PARD3B: variants seen among roughly 807,000 people sequenced by gnomAD.
PARD3B encodes partitioning defective 3 homolog B.
PARD3B carries 103 observed loss-of-function variants against 130.2 expected under a neutral mutation model. The observed-to-expected ratio is 0.79, with a 90% CI of 0.67 to 0.93. PARD3B has a LOEUF of 0.93. Among genes scored for constraint, PARD3B ranks in the 40% least tolerant of loss-of-function variants. The probability of loss-of-function intolerance (pLI) is 0.00; values close to 1 mark genes in which losing one functional copy is unlikely to be tolerated. For synonymous variants in PARD3B, 583 were observed against 553.2 expected (o/e 1.05, Z -0.76); for missense variants, 1,609 against 1,499.2 (o/e 1.07, Z -1.21).
rs2055420194 is a variant in PARD3B, at chr2:205,615,953, T to A, written c.*140T>A. On this transcript the variant is annotated 3_prime_UTR_variant, in exon 23 of 23. Coordinates refer to ENST00000406610, the MANE Select transcript of PARD3B (RefSeq NM_001302769.2). ...TTTTTCTCACTGACATTGTAACGCA[T>A]GACTGCTAATCAGAGAGAAAAAGAA... The A allele has an allele frequency of 1.3e-6, 1 of 741,240 alleles. No homozygotes were observed. Among genetic ancestry groups the A allele is most frequent in the East Asian group, 2.7e-5 (1 of 37,710 alleles). 45.9% of individuals were successfully genotyped at this position (741,240 alleles called of 1,614,324 possible). A position where few individuals can be genotyped will look rare whatever the true frequency, so the allele number is the denominator to read the frequency against.
chr2:204,553,193 A>T (rs953737261), intron 1 of PARD3B, among the ~76,000 whole-genome samples: 13 of 152,204 alleles, frequency 8.5e-5, no homozygotes, highest in African/African-American at 3.1e-4. Context: ...AGTGCAACTC[A>T]AAATCACAAT....
intron 2 of PARD3B, among the ~76,000 whole-genome samples, chr2:204,956,570 C>T (rs1690257432): frequency 6.7e-6 from 1 of 150,098 alleles, no homozygotes; most frequent in Admixed American, 6.7e-5. Context: ...TTTAAATATC[C>T]CAGCTTGTTT....
At chr2:205,377,551 C>T (rs1297466805) in intron 18 of PARD3B, among the ~76,000 whole-genome samples, 2 of 151,898 alleles carry the variant, frequency 1.3e-5, no homozygotes, top group African/African-American at 2.4e-5. Context: ...AGGGAGATCC[C>T]CAGCCCTATA....
rs538445987 is a variant in PARD3B, at chr2:205,275,864, G to T, written c.2186-24666G>T. The stretch of plus-strand genomic sequence containing the variant: ...AAAAAAAAAAAAAAAAAAAAAAAAG[G>T]TTCAATTAGATGTCCTAATGAGAGA... On this transcript the variant is annotated intron_variant, in intron 16 of 22. Transcript: ENST00000406610. 1.8e-3 allele frequency among the ~76,000 whole-genome samples: 250 copies of T among 139,262 alleles called. 2 individuals are homozygous for T. The highest frequency in any genetic ancestry group is 6.1e-3 in the African/African-American group (227 of 37,468). The allele number at this position is 139,262 out of a possible 152,430, so 91.4% of individuals were successfully genotyped here.
intron 19 of PARD3B, among the ~76,000 whole-genome samples, chr2:205,439,953 A>C (rs2047653637): frequency 6.6e-6 from 1 of 152,194 alleles, no homozygotes; most frequent in Non-Finnish European, 1.5e-5. Context: ...TAAATTACTG[A>C]AGTCGTAGAA....
intron 2 of PARD3B, among the ~76,000 whole-genome samples, chr2:204,724,496 T>G (rs1169837517): frequency 6.6e-6 from 1 of 152,200 alleles, no homozygotes; most frequent in Non-Finnish European, 1.5e-5. Flanking sequence ...AAATTATTGC[T>G]TTCTTATTCA....
intron 4 of PARD3B, among the ~76,000 whole-genome samples, chr2:205,069,931 G>A (rs1510772): frequency 0.27 from 40,394 of 152,060 alleles, 5,899 homozygotes; most frequent in South Asian, 0.46. Context: ...CTACTCTTAT[G>A]CTCATCCTAT....
At position 205,160,439 on chromosome 2, in the gene PARD3B, G is replaced by A. The variant is rs556686082; in HGVS notation, c.1620+1532G>A. Among the ~76,000 whole-genome samples, 19 of 152,284 alleles carry A rather than the reference G, an allele frequency of 1.2e-4. No homozygotes were observed. The highest frequency in any genetic ancestry group is 3.1e-4 in the African/African-American group (13 of 41,546). On this transcript the variant is annotated intron_variant, in intron 11 of 22. Coordinates refer to ENST00000406610, the MANE Select transcript of PARD3B (RefSeq NM_001302769.2). This position sits in a 1 kb window ranked among gnomAD's most constrained non-coding sequence, Gnocchi z 4.0. The stretch of plus-strand genomic sequence containing the variant: ...AGGGCCAGCGGCAGTGGGTGAATCC[G>A]CGGGCTCCAAGCTAGCACACTGTCA...
chr2:204,791,798 C>T (rs935210918), intron 2 of PARD3B, among the ~76,000 whole-genome samples: 4 of 152,274 alleles, frequency 2.6e-5, no homozygotes, highest in South Asian at 2.1e-4. Context: ...TATTACATCC[C>T]GATTATTGTA....
intron 1 of PARD3B, among the ~76,000 whole-genome samples, chr2:204,592,726 C>T (rs1373073399): frequency 6.6e-6 from 1 of 152,130 alleles, no homozygotes; most frequent in Non-Finnish European, 1.5e-5. Flanking sequence ...TTTTGGAATG[C>T]TCTCATACAT....
At chr2:204,922,404 C>T (rs2047715854) in intron 2 of PARD3B, among the ~76,000 whole-genome samples, 1 of 152,014 alleles carries the variant, frequency 6.6e-6, no homozygotes, top group African/African-American at 2.4e-5. Context: ...AACACTATCA[C>T]ATATGGTAGA....
Position 205,227,405 on chromosome 2 carries a change from G to A in PARD3B, c.2141-18373G>A, listed in dbSNP as rs1411115140. ...TTTATAATTGCTATATCCTTTTGCT[G>A]AATTGAGCCCTTTATCATTATATAG... On this transcript the variant is annotated intron_variant, in intron 15 of 22. Coordinates refer to ENST00000406610, the MANE Select transcript of PARD3B (RefSeq NM_001302769.2). Among the ~76,000 whole-genome samples, 4 of 152,042 alleles carry A rather than the reference G, an allele frequency of 2.6e-5. No homozygotes were observed. The East Asian group carries it at 7.7e-4, about 29-fold the overall frequency.
At chr2:205,350,585 A>G (rs1310129264) in intron 18 of PARD3B, among the ~76,000 whole-genome samples, 2 of 152,188 alleles carry the variant, frequency 1.3e-5, no homozygotes, top group African/African-American at 4.8e-5. Context: ...TTTCCAAAAT[A>G]GTATTTTCTT....
chr2:204,625,945 G>T (rs1373215096), intron 1 of PARD3B, among the ~76,000 whole-genome samples: 1 of 152,106 alleles, frequency 6.6e-6, no homozygotes, highest in Non-Finnish European at 1.5e-5. Flanking sequence ...TCACTTAGAT[G>T]TATAGGGTAT....
intron 4 of PARD3B, among the ~76,000 whole-genome samples, chr2:205,060,250 T>C (rs1434947601): frequency 1.3e-5 from 2 of 152,104 alleles, no homozygotes; most frequent in Admixed American, 6.6e-5. Flanking sequence ...TTATAGTCAC[T>C]ATTTTTCCTT....
In PARD3B at chr2:204,597,311, T is replaced by C. The variant is rs531145683; in HGVS notation, c.120+51192T>C. Among the ~76,000 whole-genome samples, 11 of 152,224 alleles carry C rather than the reference T, an allele frequency of 7.2e-5. 1 individual carries two copies. The South Asian group carries it at 2.1e-3, about 29-fold the overall frequency. ...TGCCCATAGGATAAATGAGAAATTC[T>C]CACAAATCCTCACTAATAAATATGG... is the stretch of plus-strand genomic sequence containing the variant. On this transcript the variant is annotated intron_variant, in intron 1 of 22. Transcript: ENST00000406610.
At chr2:205,477,719 T>C (rs566369492) in intron 20 of PARD3B, among the ~76,000 whole-genome samples, 2 of 152,334 alleles carry the variant, frequency 1.3e-5, no homozygotes, top group East Asian at 3.9e-4. Flanking sequence ...CCCTACAGTA[T>C]GAGAAACAAT....
chr2:205,100,222 A>C (rs775947896), intron 4 of PARD3B, among the ~76,000 whole-genome samples: 3 of 152,170 alleles, frequency 2.0e-5, no homozygotes, highest in Non-Finnish European at 4.4e-5. Flanking sequence ...TTCCATTTAG[A>C]GTATGGTGCA....
intron 2 of PARD3B, among the ~76,000 whole-genome samples, chr2:204,931,772 C>G (rs1688052444): frequency 6.6e-6 from 1 of 151,942 alleles, no homozygotes. Flanking sequence ...GTTACTTTTA[C>G]TTAAATCCAA....
Sources: gnomAD v4.1 joint callset for allele counts (sites outside exome capture counted in the v4.1 genomes callset) on GRCh38, gnomAD v4.1.1 for gene constraint, Gnocchi (gnomAD v3.1) non-coding constraint, MANE v1.5 for transcripts, NCBI Gene and HGNC (gene_info 2026-07-23, HGNC 2026-07-21) for gene names.